The following OXR1 variants were observed in gnomAD, a reference collection of about 807,000 sequenced individuals.
The protein encoded by OXR1 is oxidation resistance 1.
In OXR1, 41 loss-of-function variants were observed where a neutral mutation model predicts 104.6. That is an observed-to-expected ratio of 0.39 (90% CI 0.31 to 0.51). The LOEUF is 0.51. OXR1 is among the 20% of genes least tolerant of loss of function. OXR1 has a pLI of 0.77. For synonymous variants in OXR1, 348 were observed against 348.4 expected, an observed-to-expected ratio of 1.00 and a Z score of 0.01; for missense variants, 955 against 1,031.9, an observed-to-expected ratio of 0.93 and a Z score of 1.02.
chr8:106,672,940 C>T (rs554042630), intron 3 of OXR1, among the ~76,000 whole-genome samples: 73 of 152,282 alleles, frequency 4.8e-4, no homozygotes, highest in African/African-American at 1.6e-3. Flanking sequence ...TTAGTTAAAC[C>T]TCTTTCCTTT....
At chr8:106,502,033 C>T (rs1811848368) in intron 2 of OXR1, among the ~76,000 whole-genome samples, 1 of 152,140 alleles carries the variant, frequency 6.6e-6, no homozygotes, top group South Asian at 2.1e-4. Context: ...GCTGGAACCT[C>T]ATTCCAGAAA....
At chr8:106,591,204 A>G (rs981794155) in intron 3 of OXR1, among the ~76,000 whole-genome samples, 5 of 148,048 alleles carry the variant, frequency 3.4e-5, no homozygotes, top group African/African-American at 7.5e-5. Flanking sequence ...ACCAAACACC[A>G]CATGTTCTCA....
chr8:106,739,570 A>C lies in OXR1; in HGVS notation c.2150A>C (p.Asp717Ala). 1 of 1,613,298 alleles carries C rather than the reference A, an allele frequency of 6.2e-7. No homozygotes were observed. The highest frequency in any genetic ancestry group is 1.1e-5 in the South Asian group (1 of 91,068). ...GATCCCAGTGAACTTTTACTGCCAG[A>C]TCAAATTGAAAAGGTATGACATGCT... The part of the protein sequence containing the change: ...LSDPSELLLP[D>A]QIEKLTKHLP... The change falls in exon 13 of 17, where the codon GAT (aspartate) becomes GCT (alanine). Residue 717 changes from aspartate (D) to alanine (A), a missense_variant. This residue lies in a region of OXR1 where 849 missense variants were observed against 852.9 expected (regional missense o/e 1.00). Transcript: ENST00000517566.
At chr8:106,572,468 C>T (rs1193753301) in intron 3 of OXR1, among the ~76,000 whole-genome samples, 1 of 152,172 alleles carries the variant, frequency 6.6e-6, no homozygotes, top group African/African-American at 2.4e-5. Context: ...GCTCTTGCAT[C>T]TATGCTTAAA....
intron 1 of OXR1, among the ~76,000 whole-genome samples, chr8:106,302,358 G>A (rs1400425429): frequency 6.6e-6 from 1 of 152,138 alleles, no homozygotes; most frequent in Non-Finnish European, 1.5e-5. Context: ...CGAGGCGGGT[G>A]GATCACGAGG....
At chr8:106,367,961 G>C (rs1418604990) in intron 2 of OXR1, among the ~76,000 whole-genome samples, 3 of 152,124 alleles carry the variant, frequency 2.0e-5, no homozygotes, top group Non-Finnish European at 4.4e-5. Flanking sequence ...AAGGGGGAGA[G>C]TCCCAGGAAC....
chr8:106,684,172 G>C, intron 5 of OXR1, 74 bp from the exon 6 acceptor site: 2 of 700,620 alleles, frequency 2.9e-6, no homozygotes, highest in Non-Finnish European at 5.0e-6. Context: ...TGTTAATAGT[G>C]CTTGCTTATA....
In OXR1 at chr8:106,559,671, G is replaced by A. The variant is rs572137057; in HGVS notation, c.220+40532G>A. On this transcript the variant is annotated intron_variant, in intron 3 of 16. Transcript: ENST00000517566. ...CACCAGCAGACTTGATATCTGGTGA[G>A]GGTTTTGACCCATAGATGGTGTGGG... is the stretch of plus-strand genomic sequence containing the variant. Among the ~76,000 whole-genome samples, 4 of 152,282 alleles carry A rather than the reference G, an allele frequency of 2.6e-5. No homozygotes were observed. The South Asian group carries it at 8.3e-4, about 32-fold the overall frequency.
At chr8:106,668,634 T>C (rs559882700) in intron 3 of OXR1, among the ~76,000 whole-genome samples, 3 of 152,312 alleles carry the variant, frequency 2.0e-5, no homozygotes, top group African/African-American at 4.8e-5. Context: ...GTTGGCCATG[T>C]CTGACATCAA....
chr8:106,453,606 C>G (rs1820441786), intron 2 of OXR1, among the ~76,000 whole-genome samples: 1 of 152,152 alleles, frequency 6.6e-6, no homozygotes, highest in Admixed American at 6.6e-5. Context: ...CCTGCCTTCT[C>G]TCCTATATGC....
At chr8:106,495,168 T>C (rs1811334925) in intron 2 of OXR1, among the ~76,000 whole-genome samples, 1 of 151,704 alleles carries the variant, frequency 6.6e-6, no homozygotes, top group Non-Finnish European at 1.5e-5. Context: ...ATATATAATA[T>C]TTATATATTG....
chr8:106,557,393 C>T (rs1430435779), intron 3 of OXR1, among the ~76,000 whole-genome samples: 1 of 152,048 alleles, frequency 6.6e-6, no homozygotes, highest in Non-Finnish European at 1.5e-5. Flanking sequence ...TTATGTTATT[C>T]ATAGAGTTCT....
At chr8:106,508,879 A>G (rs928089304) in intron 2 of OXR1, among the ~76,000 whole-genome samples, 2 of 152,174 alleles carry the variant, frequency 1.3e-5, no homozygotes, top group Non-Finnish European at 2.9e-5. Context: ...CCAGATTATT[A>G]TTACCTGCAG....
chr8:106,542,365 C>T (rs1023008535), intron 3 of OXR1, among the ~76,000 whole-genome samples: 9 of 152,186 alleles, frequency 5.9e-5, no homozygotes, highest in Admixed American at 1.3e-4. Context: ...AACACTCCCC[C>T]CTACACCTAG....
intron 1 of OXR1, among the ~76,000 whole-genome samples, chr8:106,316,766 A>ATCTATCTG: frequency 6.9e-6 from 1 of 145,740 alleles, no homozygotes; most frequent in East Asian, 2.0e-4. Flanking sequence ...CTATCTATCT[A>ATCTATCTG]TCTATCTATT....
chr8:106,636,232 T>C (rs1417295486), intron 3 of OXR1, among the ~76,000 whole-genome samples: 2 of 152,214 alleles, frequency 1.3e-5, no homozygotes, highest in Non-Finnish European at 2.9e-5. Context: ...CACTTTAAGC[T>C]GGTATGTGTT....
At chr8:106,345,864 GGT>G (rs1815454927) in intron 1 of OXR1, among the ~76,000 whole-genome samples, 1 of 152,104 alleles carries the variant, frequency 6.6e-6, no homozygotes, top group Non-Finnish European at 1.5e-5. Flanking sequence ...TATCTCATGT[GGT>G]GGGTAGACAA....
At chr8:106,510,162 C>T (rs1563570756) in intron 2 of OXR1, among the ~76,000 whole-genome samples, 1 of 151,958 alleles carries the variant, frequency 6.6e-6, no homozygotes, top group African/African-American at 2.4e-5. Context: ...AATATCAAGT[C>T]TTTTTTTTAG....
chr8:106,582,970 C>T (rs1314700470), intron 3 of OXR1, among the ~76,000 whole-genome samples: 1 of 152,150 alleles, frequency 6.6e-6, no homozygotes, highest in Non-Finnish European at 1.5e-5. Context: ...AGTTCCATTT[C>T]CATTGCTTCT....
Sources: gnomAD v4.1 joint callset for allele counts (sites outside exome capture counted in the v4.1 genomes callset) on GRCh38, gnomAD v4.1.1 for gene constraint, gnomAD v4.1.1 regional missense constraint, MANE v1.5 for transcripts, NCBI Gene and HGNC (gene_info 2026-07-23, HGNC 2026-07-21) for gene names.